BICD1: variants seen among roughly 807,000 people sequenced by gnomAD.
The protein encoded by BICD1 is BICD cargo adaptor 1.
BICD1 carries 35 observed loss-of-function variants against 92.5 expected under a neutral mutation model. That is an observed-to-expected ratio of 0.38 (90% confidence interval 0.29 to 0.50). The LOEUF is 0.50. Among genes scored for constraint, BICD1 ranks in the 20% least tolerant of loss-of-function variants. BICD1 has a pLI of 0.93. For synonymous variants in BICD1, 429 were observed against 465.1 expected, an observed-to-expected ratio of 0.92 and a Z score of 1.00; for missense variants, 950 against 1,189.8, an observed-to-expected ratio of 0.80 and a Z score of 2.97.
chr12:32,251,875 A>G lies in BICD1; in HGVS notation c.426+35416A>G, dbSNP rs1050484065. On this transcript the variant is annotated intron_variant, in intron 2 of 9. Coordinates refer to ENST00000652176, the MANE Select transcript of BICD1 (RefSeq NM_001714.4). ...TTTTTAAATTGCCTTCTCAAAAGAC[A>G]TCTATTATCTTTCCCTCCAGTGATG... is the stretch of plus-strand genomic sequence containing the variant. Among the ~76,000 whole-genome samples the G allele has an allele frequency of 6.7e-5, 10 of 149,318 alleles. No homozygotes were observed. In the East Asian group the frequency reaches 1.9e-3, roughly 29 times the overall value.
At chr12:32,208,484 C>T (rs746391782) in intron 1 of BICD1, among the ~76,000 whole-genome samples, 6 of 152,172 alleles carry the variant, frequency 3.9e-5, no homozygotes, top group Admixed American at 1.3e-4. Context: ...GTTGGTCCAC[C>T]TCAGGAGCCC....
At chr12:32,271,695 A>G (rs534449433) in intron 2 of BICD1, among the ~76,000 whole-genome samples, 1 of 152,306 alleles carries the variant, frequency 6.6e-6, no homozygotes, top group East Asian at 1.9e-4. Flanking sequence ...GCTTCAGAGC[A>G]CTAACCCCAT....
At chr12:32,275,444 T>C (rs1947248548) in intron 2 of BICD1, among the ~76,000 whole-genome samples, 1 of 152,158 alleles carries the variant, frequency 6.6e-6, no homozygotes, top group South Asian at 2.1e-4. Flanking sequence ...GGAATCAGTA[T>C]CTCCTCATCC....
intron 1 of BICD1, among the ~76,000 whole-genome samples, chr12:32,125,320 C>T (rs1207276805): frequency 6.6e-6 from 1 of 152,186 alleles, no homozygotes; most frequent in Non-Finnish European, 1.5e-5. Flanking sequence ...GAATATTCTC[C>T]TGCCCATTTG....
chr12:32,118,548 C>T (rs1942033406), intron 1 of BICD1, among the ~76,000 whole-genome samples: 1 of 152,160 alleles, frequency 6.6e-6, no homozygotes, highest in Non-Finnish European at 1.5e-5. Flanking sequence ...AATAATTCAG[C>T]ATAACAGCTA....
At chr12:32,156,516 G>A (rs931459532) in intron 1 of BICD1, among the ~76,000 whole-genome samples, 1 of 152,190 alleles carries the variant, frequency 6.6e-6, no homozygotes, top group South Asian at 2.1e-4. Flanking sequence ...GCACATTAGG[G>A]TTATATTGAC....
At chr12:32,332,603 A>G in intron 5 of BICD1, 1 of 339,166 alleles carries the variant, frequency 2.9e-6, no homozygotes, top group Non-Finnish European at 4.2e-6. Context: ...TAGAAACACA[A>G]TTACAGTTCA....
chr12:32,288,010 T>C (rs536832270), intron 2 of BICD1, among the ~76,000 whole-genome samples: 1 of 152,238 alleles, frequency 6.6e-6, no homozygotes, highest in Non-Finnish European at 1.5e-5. Context: ...CTTCACATAG[T>C]CACAGTGTTA....
Position 32,383,309 on chromosome 12 carries a change from T to C in BICD1, c.*5682T>C, listed in dbSNP as rs756465419. 3.3e-5 allele frequency: 5 copies of C among 152,238 alleles called. No individual in the cohort carries two copies. Among genetic ancestry groups the C allele is most frequent in the Non-Finnish European group, 5.9e-5 (4 of 68,010 alleles). 9.4% of individuals were successfully genotyped at this position (152,238 alleles called of 1,614,324 possible). On this transcript the variant is annotated 3_prime_UTR_variant, in exon 10 of 10. Coordinates refer to ENST00000652176, the MANE Select transcript of BICD1 (RefSeq NM_001714.4). ...AAGAAACTTGTTATTTTTAAAAATA[T>C]GAATTTCAAAAGAAATGTTCTCAAA...
intron 2 of BICD1, among the ~76,000 whole-genome samples, chr12:32,285,209 C>T (rs1947530648): frequency 6.6e-6 from 1 of 152,188 alleles, no homozygotes; most frequent in Non-Finnish European, 1.5e-5. Context: ...CCCTGGCTCA[C>T]CCAGGGGTAA....
chr12:32,317,572 A>G (rs187016267), intron 4 of BICD1, among the ~76,000 whole-genome samples: 11 of 151,934 alleles, frequency 7.2e-5, no homozygotes, highest in African/African-American at 2.4e-4. Flanking sequence ...TTTTCTTGTA[A>G]ATTTGTATGA....
intron 1 of BICD1, among the ~76,000 whole-genome samples, chr12:32,205,118 A>G (rs911799502): frequency 6.6e-6 from 1 of 152,172 alleles, no homozygotes; most frequent in Admixed American, 6.5e-5. Flanking sequence ...TGGTATTTTC[A>G]TACAGATTTT....
rs1433636732 is a variant in BICD1 at position 32,154,891 on chromosome 12, C to G, written c.213+47347C>G. Among the ~76,000 whole-genome samples the G allele has an allele frequency of 1.3e-5, 2 of 152,178 alleles. 1 individual carries two copies. Among genetic ancestry groups the G allele is most frequent in the South Asian group, 4.1e-4 (2 of 4,836 alleles). ...TGATGGGTTGTCGATAAACCTCCTG[C>G]TTTATCCTGTATCCAATTAAAATGA... On this transcript the variant is annotated intron_variant, in intron 1 of 9. Transcript: ENST00000652176.
At chr12:32,171,988 C>CACACACAT (rs1555141634) in intron 1 of BICD1, among the ~76,000 whole-genome samples, 2 of 132,536 alleles carry the variant, frequency 1.5e-5, no homozygotes, top group African/African-American at 5.8e-5. Context: ...CACACACACA[C>CACACACAT]ACTAAAACTG....
intron 8 of BICD1, among the ~76,000 whole-genome samples, chr12:32,347,719 T>C (rs542057989): frequency 6.6e-6 from 1 of 152,122 alleles, no homozygotes; most frequent in African/African-American, 2.4e-5. Flanking sequence ...CTTGTCAATA[T>C]AAAAACTTAA....
intron 4 of BICD1, among the ~76,000 whole-genome samples, chr12:32,317,681 A>C (rs965657663): frequency 6.6e-6 from 1 of 152,130 alleles, no homozygotes; most frequent in Non-Finnish European, 1.5e-5. Context: ...CTCTGATAGT[A>C]GTTTCTTTTG....
intron 1 of BICD1, among the ~76,000 whole-genome samples, chr12:32,194,701 G>T (rs1214732088): frequency 6.6e-6 from 1 of 151,746 alleles, no homozygotes; most frequent in Non-Finnish European, 1.5e-5. Context: ...GACCAACAGG[G>T]AGAAACCCCA....
Position 32,294,207 on chromosome 12 carries a change from G to A in BICD1, c.579+61G>A. 6.2e-6 allele frequency: 9 copies of A among 1,446,786 alleles called. 1 individual carries two copies. The South Asian group carries it at 1.2e-4, about 19-fold the overall frequency. The allele number at this position is 1,446,786 out of a possible 1,614,324, so 89.6% of individuals were successfully genotyped here. A position where few individuals can be genotyped will look rare whatever the true frequency, so the allele number is the denominator to read the frequency against. ...GGATCTACATCTTCTGACCACTAGG[G>A]TTAAATCTCCAAACTTGTCAGAATT... On this transcript the variant is annotated intron_variant, in intron 3 of 9. Coordinates refer to ENST00000652176, the MANE Select transcript of BICD1 (RefSeq NM_001714.4).
intron 2 of BICD1, among the ~76,000 whole-genome samples, chr12:32,281,166 C>A (rs1947402336): frequency 6.6e-6 from 1 of 152,120 alleles, no homozygotes; most frequent in Admixed American, 6.5e-5. Flanking sequence ...CCTTTATTAC[C>A]TTATTACTCT....
Sources: gnomAD v4.1 joint callset for allele counts (sites outside exome capture counted in the v4.1 genomes callset) on GRCh38, gnomAD v4.1.1 for gene constraint, MANE v1.5 for transcripts, NCBI Gene and HGNC (gene_info 2026-07-23, HGNC 2026-07-21) for gene names.